GZF1: variants seen among roughly 807,000 people sequenced by gnomAD.
The protein encoded by GZF1 is GDNF inducible zinc finger protein 1.
A neutral mutation model predicts 49.4 loss-of-function variants in GZF1; 28 were observed. The ratio of observed to expected loss-of-function variants is 0.57; its 90% CI spans 0.42 to 0.78. The LOEUF is 0.78. Among genes scored for constraint, GZF1 ranks in the 30% least tolerant of loss-of-function variants. The pLI is 0.00. For synonymous variants in GZF1, 364 were observed against 356.0 expected (o/e 1.02, Z -0.25); for missense variants, 798 against 916.2 (o/e 0.87, Z 1.67).
In GZF1 at chr20:23,364,946, C is replaced by T; in HGVS notation, c.563C>T (p.Ala188Val). 1.2e-6 allele frequency: 2 copies of T among 1,614,198 alleles called. No individual in the cohort carries two copies. Among genetic ancestry groups the T allele is most frequent in the Non-Finnish European group, 1.7e-6 (2 of 1,180,044 alleles). The change falls in exon 2 of 6, where the codon GCC (alanine) becomes GTC (valine). Residue 188 changes from alanine to valine, a missense_variant. Coordinates refer to ENST00000338121, the MANE Select transcript of GZF1 (RefSeq NM_022482.5). ...TCCTTGGACTACCCAGGAGAGAGAG[C>T]CAGCAATGGCATGTCTTCAGATTTG... ...TDSLDYPGER[A>V]SNGMSSDLPP...
At chr20:23,369,882 C>A in intron 5 of GZF1, 141 bp downstream of exon 5, 1 of 1,015,554 alleles carries the variant, frequency 9.8e-7, no homozygotes, top group Non-Finnish European at 1.4e-6. Context: ...TGCAGTGGAA[C>A]GCTCACGGAA....
chr20:23,368,814 G>C lies in GZF1; in HGVS notation c.1512G>C (p.Glu504Asp). 6.2e-7 allele frequency: 1 copy of C among 1,613,050 alleles called. No individual in the cohort carries two copies. The highest frequency in any genetic ancestry group is 1.1e-5 in the South Asian group (1 of 90,766). Residue 504 changes from glutamate (E) to aspartate (D), a missense_variant, in exon 4 of 6, where the codon GAG (glutamate) becomes GAC (aspartate). Transcript: ENST00000338121. ...GTGGCAAGAGTTTTGCTTCTAAGGA[G>C]TACTTAAAACACCACAATAGAATCC... ...ETCGKSFASKEYLKHHNRIHT... is the reference protein window; with the variant it reads ...ETCGKSFASKDYLKHHNRIHT...
rs1430420945 is a variant in GZF1 at position 23,371,165 on chromosome 20, A to G, written c.*724A>G. 1 of 152,644 alleles carries G rather than the reference A, an allele frequency of 6.6e-6. No individual in the cohort carries two copies. The highest frequency in any genetic ancestry group is 1.5e-5 in the Non-Finnish European group (1 of 68,040). 9.5% of individuals were successfully genotyped at this position (152,644 alleles called of 1,614,324 possible). On this transcript the variant is annotated 3_prime_UTR_variant, in exon 6 of 6. Transcript: ENST00000338121. ...AGATGAGGCTGTTCAGTTTGTCTTA[A>G]AAAAATCAGATTAGGTAAAAGCTGT... is the stretch of plus-strand genomic sequence containing the variant.
In GZF1 at chr20:23,364,598, G is replaced by A. The variant is rs1166898979; in HGVS notation, c.215G>A (p.Gly72Asp). 1.2e-6 allele frequency: 2 copies of A among 1,614,228 alleles called. No homozygotes were observed. Among genetic ancestry groups the A allele is most frequent in the South Asian group, 1.1e-5 (1 of 91,086 alleles). ...TTCCTTAATGAGAAGAGTGTGGATG[G>A]TACTAGGACTAATGTCTACTTAAAT... ...EVFLNEKSVD[G>D]TRTNVYLNEV... The change falls in exon 2 of 6, where the codon GGT becomes GAT. Residue 72 changes from glycine (G) to aspartate (D), a missense_variant. By Grantham distance (94) the Gly-to-Asp change is moderately conservative (BLOSUM62 -1). This residue lies in a region of GZF1 where 105 missense variants were observed against 147.5 expected (regional missense o/e 0.71). Coordinates refer to ENST00000338121, the MANE Select transcript of GZF1 (RefSeq NM_022482.5).
Position 23,364,369 on chromosome 20 carries a change from T to C in GZF1, c.-15T>C. On this transcript the variant is annotated 5_prime_UTR_variant, in exon 2 of 6. Transcript: ENST00000338121. Reference sequence around the variant, plus strand: ...TCTTGTTTCTTTTTCAAAGCTGTTTTTGGAAGGAAGAAAGATGGAAAGCGG... The same window carrying C: ...TCTTGTTTCTTTTTCAAAGCTGTTTCTGGAAGGAAGAAAGATGGAAAGCGG... 6.5e-7 allele frequency: 1 copy of C among 1,534,522 alleles called. No homozygotes were observed. Among genetic ancestry groups the C allele is most frequent in the Non-Finnish European group, 8.8e-7 (1 of 1,138,242 alleles).
chr20:23,361,852 G>C, upstream of GZF1, among the ~76,000 whole-genome samples: 1 of 152,324 alleles, frequency 6.6e-6, no homozygotes, highest in Middle Eastern at 3.4e-3. Context: ...ACGCGAAAGT[G>C]ACCACGCGAA....
chr20:23,364,237 C>A, intron 1 of GZF1, 126 bp from the exon 2 acceptor site: 1 of 549,526 alleles, frequency 1.8e-6, no homozygotes, highest in Non-Finnish European at 3.1e-6. Flanking sequence ...TCATTCGAAT[C>A]TTTACCTGAG....
intron 3 of GZF1, among the ~76,000 whole-genome samples, chr20:23,368,452 T>C (rs527351908): frequency 3.9e-5 from 6 of 152,332 alleles, no homozygotes; most frequent in Admixed American, 3.9e-4. Flanking sequence ...CAAACAGAAG[T>C]TGTGAAATTA....
At chr20:23,362,662 C>T (rs1980817518) in intron 1 of GZF1, 1 of 152,202 alleles carries the variant, frequency 6.6e-6, no homozygotes, top group Non-Finnish European at 1.5e-5. Context: ...CTCGGGGATT[C>T]AGGGGCCGCC....
In GZF1 at chr20:23,365,028, C is replaced by T. The variant is rs1276569300; in HGVS notation, c.645C>T (p.Pro215=). ...LDKKKEVVKP[P]YPKIRRASGR... is the part of the protein sequence containing the mutation. ...AGAAGAAAGAGGTAGTTAAACCTCCCTACCCTAAAATCAGGAGAGCTAGTG... is the reference window on the plus strand; with the variant it reads ...AGAAGAAAGAGGTAGTTAAACCTCCTTACCCTAAAATCAGGAGAGCTAGTG... Residue 215 remains proline, a synonymous_variant, in exon 2 of 6, where the codon CCC becomes CCT. Transcript: ENST00000338121. 1.9e-6 allele frequency: 3 copies of T among 1,614,042 alleles called. No homozygotes were observed. Among genetic ancestry groups the T allele is most frequent in the Non-Finnish European group, 2.5e-6 (3 of 1,180,030 alleles).
At chr20:23,368,950 G>T (rs748190523) in intron 4 of GZF1, 21 bp downstream of exon 4, 1 of 1,572,544 alleles carries the variant, frequency 6.4e-7, no homozygotes, top group Non-Finnish European at 8.6e-7. Context: ...AATGTCCCAG[G>T]GAAGGGAGTT....
At chr20:23,363,466 C>CT (rs1368205334) in intron 1 of GZF1, 1 of 152,294 alleles carries the variant, frequency 6.6e-6, no homozygotes, top group Non-Finnish European at 1.5e-5. Context: ...GATTTAGGGG[C>CT]TAAAGATAGC....
At chr20:23,364,341 A>C (rs746842036) in intron 1 of GZF1, 22 bp from the exon 2 acceptor site, 2 of 1,436,228 alleles carry the variant, frequency 1.4e-6, no homozygotes, top group Non-Finnish European at 1.9e-6. Context: ...GCTCATGCAT[A>C]ATTCTTGTTT....
In GZF1 at chr20:23,370,789, G is replaced by T; in HGVS notation, c.*348G>T. ...TTGCAGAGTACAGAGAACTGAACCAGCTCCTGATATTGTAGTTAGCAGTCT... is the reference window on the plus strand; with the variant it reads ...TTGCAGAGTACAGAGAACTGAACCATCTCCTGATATTGTAGTTAGCAGTCT... On this transcript the variant is annotated 3_prime_UTR_variant, in exon 6 of 6. Transcript: ENST00000338121. 8.7e-6 allele frequency: 2 copies of T among 230,028 alleles called. No individual in the cohort carries two copies. Among genetic ancestry groups the T allele is most frequent in the African/African-American group, 2.4e-5 (1 of 42,414 alleles). The allele number at this position is 230,028 out of a possible 1,614,324, so 14.2% of individuals were successfully genotyped here.
chr20:23,370,076 G>T lies in GZF1; in HGVS notation c.1786-15G>T, dbSNP rs1462861974. The T allele has an allele frequency of 4.4e-6, 7 of 1,598,706 alleles. No homozygotes were observed. The South Asian group carries it at 7.7e-5, about 18-fold the overall frequency. ...AGACACATTCAGTGACCTTTGTTTT[G>T]TGTTTAACTTATAGATACACGATAA... On this transcript the variant is annotated splice_polypyrimidine_tract_variant and intron_variant, in intron 5 of 5. Coordinates refer to ENST00000338121, the MANE Select transcript of GZF1 (RefSeq NM_022482.5).
chr20:23,369,478 G>T, intron 4 of GZF1, 106 bp from the exon 5 acceptor site: 1 of 999,020 alleles, frequency 1.0e-6, no homozygotes. Flanking sequence ...TGGATGCTGA[G>T]GCTTCCCAGT....
chr20:23,364,136 A>G (rs1028245278), intron 1 of GZF1, among the ~76,000 whole-genome samples: 1 of 152,244 alleles, frequency 6.6e-6, no homozygotes, highest in Non-Finnish European at 1.5e-5. Context: ...ACTGGAGGAA[A>G]CCTTAGAATA....
At chr20:23,369,246 T>C (rs1981777739) in intron 4 of GZF1, among the ~76,000 whole-genome samples, 1 of 152,224 alleles carries the variant, frequency 6.6e-6, no homozygotes, top group Admixed American at 6.5e-5. Context: ...TAATGATCTG[T>C]ACATGTTAGT....
chr20:23,365,706 C>G lies in GZF1; in HGVS notation c.1323C>G (p.Gly441=), dbSNP rs1568586133. Residue 441 remains glycine (G), a synonymous_variant, in exon 2 of 6, where the codon GGC becomes GGG. Transcript: ENST00000338121. The stretch of plus-strand genomic sequence containing the variant: ...GGCCCTACGGCTGCACCGAGTGCGG[C>G]GCCAGGTTCTCGCAGCCGTCCGCGC... ...GDRPYGCTEC[G]ARFSQPSALK... 6.4e-7 allele frequency: 1 copy of G among 1,567,074 alleles called. No homozygotes were observed. Among genetic ancestry groups the G allele is most frequent in the Non-Finnish European group, 8.6e-7 (1 of 1,161,570 alleles).
Sources: gnomAD v4.1 joint callset for allele counts (sites outside exome capture counted in the v4.1 genomes callset) on GRCh38, gnomAD v4.1.1 for gene constraint, gnomAD v4.1.1 regional missense constraint, MANE v1.5 for transcripts, NCBI Gene and HGNC (gene_info 2026-07-23, HGNC 2026-07-21) for gene names.